Variants in ZNF407 observed in about 807,000 individuals in gnomAD.
ZNF407 encodes zinc finger protein 407.
Under a neutral mutation model 131.2 loss-of-function variants are expected in ZNF407, and 17 were observed. The ratio of observed to expected loss-of-function variants is 0.13; its 90% CI spans 0.09 to 0.19. The LOEUF (loss-of-function observed/expected upper bound fraction) is 0.19, where lower values mean the gene tolerates loss of function less well. Ranked by LOEUF, ZNF407 falls within the 10% of genes least tolerant of loss-of-function variation. The pLI, the probability that ZNF407 is intolerant of heterozygous loss-of-function variation, is 1.00. For missense variants in ZNF407, 2,681 were observed against 2,830.6 expected (o/e 0.95, Z 1.20); for synonymous variants, 1,156 against 1,062.0 (o/e 1.09, Z -1.72).
intron 3 of ZNF407, among the ~76,000 whole-genome samples, chr18:74,715,996 C>T (rs553720705): frequency 6.6e-6 from 1 of 152,278 alleles, no homozygotes; most frequent in African/African-American, 2.4e-5. Context: ...CCGTAAGAAG[C>T]CAGTGAACCA....
intron 8 of ZNF407, among the ~76,000 whole-genome samples, chr18:75,035,830 T>G (rs1973301783): frequency 6.6e-6 from 1 of 151,930 alleles, no homozygotes; most frequent in African/African-American, 2.4e-5. Flanking sequence ...AGATATCTTG[T>G]GATAGGGAGA....
chr18:74,715,983 C>T (rs970175273), intron 3 of ZNF407, among the ~76,000 whole-genome samples: 1 of 152,120 alleles, frequency 6.6e-6, no homozygotes, highest in Non-Finnish European at 1.5e-5. Flanking sequence ...CATTATTTCC[C>T]ATCCGTAAGA....
intron 8 of ZNF407, among the ~76,000 whole-genome samples, chr18:75,046,169 A>G (rs1305894202): frequency 6.6e-6 from 1 of 152,316 alleles, no homozygotes; most frequent in East Asian, 1.9e-4. Flanking sequence ...GCTGCTATAT[A>G]TTGTGGAGGT....
intron 7 of ZNF407, chr18:74,905,705 T>G (rs1379781994): frequency 6.6e-6 from 1 of 152,218 alleles, no homozygotes; most frequent in Non-Finnish European, 1.5e-5. Flanking sequence ...TAAGAACTAG[T>G]TTCAAAGAAT....
intron 8 of ZNF407, among the ~76,000 whole-genome samples, chr18:74,999,212 G>T (rs4258710): frequency 0.16 from 13,042 of 83,754 alleles, 1,256 homozygotes; most frequent in Admixed American, 0.25. Flanking sequence ...GTCGGGGGAG[G>T]GGGGAGGGAT....
intron 4 of ZNF407, among the ~76,000 whole-genome samples, chr18:74,822,751 G>A (rs1332201378): frequency 6.6e-6 from 1 of 152,062 alleles, no homozygotes; most frequent in Non-Finnish European, 1.5e-5. Flanking sequence ...TATGTGGGCA[G>A]TTTTTCATTT....
chr18:74,963,369 G>A (rs960572021), intron 8 of ZNF407, among the ~76,000 whole-genome samples: 1 of 152,084 alleles, frequency 6.6e-6, no homozygotes, highest in Non-Finnish European at 1.5e-5. Context: ...CCTTACAACT[G>A]TACCCATTTG....
chr18:75,013,524 G>A (rs943498377), intron 8 of ZNF407, among the ~76,000 whole-genome samples: 3 of 152,154 alleles, frequency 2.0e-5, no homozygotes, highest in African/African-American at 7.2e-5. Flanking sequence ...CCAGAGGAAA[G>A]AAAGGCAGCA....
intron 3 of ZNF407, among the ~76,000 whole-genome samples, chr18:74,727,296 G>A (rs1968180134): frequency 6.8e-6 from 1 of 146,326 alleles, no homozygotes; most frequent in African/African-American, 2.4e-5. Context: ...GAGTGAAGGA[G>A]TAGGAAGAGA....
intron 3 of ZNF407, among the ~76,000 whole-genome samples, chr18:74,768,362 AC>A (rs748138457): frequency 1.3e-5 from 2 of 152,250 alleles, no homozygotes; most frequent in Non-Finnish European, 2.9e-5. Context: ...CTGCTGCATT[AC>A]ATGTGATCGT....
At chr18:74,671,432 G>T (rs561528170) in intron 3 of ZNF407, among the ~76,000 whole-genome samples, 1 of 152,094 alleles carries the variant, frequency 6.6e-6, no homozygotes, top group African/African-American at 2.4e-5. Context: ...TGTCACGGGG[G>T]TTTGTTGTAC....
chr18:74,745,750 A>G (rs527258932), intron 3 of ZNF407, among the ~76,000 whole-genome samples: 12 of 152,290 alleles, frequency 7.9e-5, no homozygotes, highest in Admixed American at 2.6e-4. Flanking sequence ...CTGAGAGTCT[A>G]GTTTTGCCTC....
chr18:74,698,182 A>G (rs1044696341), intron 3 of ZNF407, among the ~76,000 whole-genome samples: 2 of 152,226 alleles, frequency 1.3e-5, no homozygotes, highest in Non-Finnish European at 2.9e-5. Context: ...ACAGTTACCA[A>G]GGGTTTGAAC....
At chr18:74,900,745 C>T (rs866553461) in intron 7 of ZNF407, among the ~76,000 whole-genome samples, 24 of 152,258 alleles carry the variant, frequency 1.6e-4, no homozygotes, top group Middle Eastern at 3.4e-3. Flanking sequence ...GACTCCTGCA[C>T]GTATTTACAG....
At chr18:74,766,043 G>C (rs28629838) in intron 3 of ZNF407, among the ~76,000 whole-genome samples, 2 of 26,752 alleles carry the variant, frequency 7.5e-5, no homozygotes, top group South Asian at 1.5e-3. Context: ...GTGTGTGTGT[G>C]TGTGTGTGTG....
At chr18:74,827,954 G>A (rs1249863959) in intron 4 of ZNF407, among the ~76,000 whole-genome samples, 1 of 152,104 alleles carries the variant, frequency 6.6e-6, no homozygotes, top group Non-Finnish European at 1.5e-5. Context: ...TTACATTATA[G>A]TTAATATTTG....
intron 8 of ZNF407, among the ~76,000 whole-genome samples, chr18:75,041,757 G>C (rs569524025): frequency 1.3e-5 from 2 of 152,142 alleles, no homozygotes; most frequent in Non-Finnish European, 2.9e-5. Flanking sequence ...CCTAGTGGAC[G>C]ATCAGCATCC....
chr18:75,060,010 C>G (rs1441175323), intron 8 of ZNF407: 1 of 152,218 alleles, frequency 6.6e-6, no homozygotes, highest in African/African-American at 2.4e-5. Context: ...CCCAGGCAGA[C>G]CCTTTCCAAC....
At chr18:74,776,315 G>T (rs1248107994) in intron 3 of ZNF407, among the ~76,000 whole-genome samples, 1 of 152,150 alleles carries the variant, frequency 6.6e-6, no homozygotes, top group Non-Finnish European at 1.5e-5. Flanking sequence ...ATAAATGTCT[G>T]TTCTTTATAA....
Sources: gnomAD v4.1 joint callset for allele counts (sites outside exome capture counted in the v4.1 genomes callset) on GRCh38, gnomAD v4.1.1 for gene constraint, MANE v1.5 for transcripts, NCBI Gene and HGNC (gene_info 2026-07-23, HGNC 2026-07-21) for gene names.